Variants in ZNF217 observed in about 807,000 individuals in gnomAD.
ZNF217 encodes the protein zinc finger protein 217.
Under a neutral mutation model 73.3 loss-of-function variants are expected in ZNF217, and 12 were observed. The ratio of observed to expected loss-of-function variants is 0.16; its 90% CI spans 0.10 to 0.27. ZNF217 has a LOEUF of 0.27. Ranked by LOEUF, ZNF217 falls within the 10% of genes least tolerant of loss-of-function variation. The pLI is 1.00. For missense variants in ZNF217, 1,195 were observed against 1,327.8 expected, an observed-to-expected ratio of 0.90 and a Z score of 1.55; for synonymous variants, 588 against 516.4, an observed-to-expected ratio of 1.14 and a Z score of -1.88.
At position 53,577,057 on chromosome 20, in the gene ZNF217, G is replaced by C. The variant is rs763095058; in HGVS notation, c.1707C>G (p.Gly569=). 6.2e-7 allele frequency: 1 copy of C among 1,614,188 alleles called. No individual in the cohort carries two copies. The highest frequency in any genetic ancestry group is 2.2e-5 in the East Asian group (1 of 44,890). Residue 569 remains glycine, a synonymous_variant, in exon 4 of 6, where the codon GGC becomes GGG. Coordinates refer to ENST00000371471, the MANE Select transcript of ZNF217 (RefSeq NM_006526.3). ...RFFDGAKDVT[G]SPPAKQLKEM... ...CCTTAAGCTGCTTTGCAGGTGGACT[G>C]CCTGTAACATCTTTGGCACCATCAA...
chr20:53,587,140 T>C (rs548494788), intron 1 of ZNF217, among the ~76,000 whole-genome samples: 1 of 152,344 alleles, frequency 6.6e-6, no homozygotes, highest in Admixed American at 6.5e-5. Flanking sequence ...GAAACTTCTA[T>C]TGGGATTATT....
chr20:53,582,184 A>G lies in ZNF217; in HGVS notation c.643T>C (p.Tyr215His). 6.2e-7 allele frequency: 1 copy of G among 1,614,120 alleles called. No individual in the cohort carries two copies. The highest frequency in any genetic ancestry group is 8.5e-7 in the Non-Finnish European group (1 of 1,180,040). ...VHAAESISSPYKICMVCGFLF... is the reference protein window; with the variant it reads ...VHAAESISSPHKICMVCGFLF... The stretch of plus-strand genomic sequence containing the variant: ...AAGCCACAAACCATGCAGATTTTGT[A>G]AGGAGAGGAGATGCTCTCGGCCGCG... The change falls in exon 2 of 6, where the codon TAC (tyrosine) becomes CAC (histidine). Residue 215 changes from tyrosine to histidine, a missense_variant. By Grantham distance (83) the Tyr-to-His change is moderately conservative. Coordinates refer to ENST00000371471, the MANE Select transcript of ZNF217 (RefSeq NM_006526.3). This position sits in a 1 kb window ranked among gnomAD's most constrained non-coding sequence, Gnocchi z 4.8.
chr20:53,589,797 A>T (rs148883383), intron 1 of ZNF217, among the ~76,000 whole-genome samples: 1 of 152,206 alleles, frequency 6.6e-6, no homozygotes, highest in African/African-American at 2.4e-5. Flanking sequence ...ATTAAGTGAT[A>T]TTCAATAATC....
At chr20:53,594,647 A>AG (rs1219976374), upstream of ZNF217, among the ~76,000 whole-genome samples, 2 of 151,556 alleles carry the variant, frequency 1.3e-5, no homozygotes, top group Admixed American at 1.3e-4. Context: ...GGCCGGAGGG[A>AG]GGGGGCCGCG....
rs1247948935 is a variant in ZNF217 at position 53,593,804 on chromosome 20, C to A, written c.-391G>T. ...TTTCCTCGCGCGGCGGCGGCCGGGA[C>A]TGAGCTGACACCACTCGGGCCGGCC... On this transcript the variant is annotated 5_prime_UTR_variant, in exon 1 of 6. Coordinates refer to ENST00000371471, the MANE Select transcript of ZNF217 (RefSeq NM_006526.3). 6.9e-6 allele frequency: 1 copy of A among 144,628 alleles called. No individual in the cohort carries two copies. The highest frequency in any genetic ancestry group is 1.5e-5 in the Non-Finnish European group (1 of 66,094). The allele number at this position is 144,628 out of a possible 1,614,324, so 9.0% of individuals were successfully genotyped here.
At chr20:53,595,046 CAAA>C (rs55752265), upstream of ZNF217, among the ~76,000 whole-genome samples, 37 of 105,222 alleles carry the variant, frequency 3.5e-4, no homozygotes, top group Middle Eastern at 0.016. Context: ...AAAAAAGGGA[CAAA>C]AAAAAAAAAA....
intron 2 of ZNF217, among the ~76,000 whole-genome samples, chr20:53,579,106 T>TC (rs1988391348): frequency 6.6e-6 from 1 of 152,154 alleles, no homozygotes; most frequent in South Asian, 2.1e-4. Context: ...TGAAAACCTG[T>TC]CCCCAAATGA....
In ZNF217 at chr20:53,576,201, T is replaced by G; in HGVS notation, c.2563A>C (p.Lys855Gln). ...GGTTTCAATTTTGTCTCGGGTCTTT[T>G]TGTCTTATCCGGTGCAGGGGAAACA... ...TSVSPAPDKTKRPETKLKPLP... is the reference protein window; with the variant it reads ...TSVSPAPDKTQRPETKLKPLP... Residue 855 changes from lysine to glutamine, a missense_variant, in exon 4 of 6, where the codon AAA becomes CAA. Around this residue, in one of 9 missense-constraint regions of ZNF217, gnomAD observed 649 missense variants for 642.8 expected, o/e 1.01. Coordinates refer to ENST00000371471, the MANE Select transcript of ZNF217 (RefSeq NM_006526.3). The G allele has an allele frequency of 2.5e-6, 4 of 1,614,246 alleles. No individual in the cohort carries two copies. The highest frequency in any genetic ancestry group is 2.5e-6 in the Non-Finnish European group (3 of 1,180,040).
Position 53,591,504 on chromosome 20 carries a change from T to C in ZNF217, c.-343+2252A>G, listed in dbSNP as rs529030447. 2.6e-5 allele frequency among the ~76,000 whole-genome samples: 4 copies of C among 152,344 alleles called. No individual in the cohort carries two copies. The South Asian group carries it at 8.3e-4, about 32-fold the overall frequency. ...CTTGGAACTACTGACAACTGTATTTTAAATAACTTACTGCCTCTTGAATTT... is the reference window on the plus strand; with the variant it reads ...CTTGGAACTACTGACAACTGTATTTCAAATAACTTACTGCCTCTTGAATTT... On this transcript the variant is annotated intron_variant, in intron 1 of 5. Transcript: ENST00000371471.
At chr20:53,584,549 C>A (rs1988620399) in intron 1 of ZNF217, among the ~76,000 whole-genome samples, 1 of 152,190 alleles carries the variant, frequency 6.6e-6, no homozygotes, top group Admixed American at 6.5e-5. Flanking sequence ...AATGGAGGAT[C>A]AACACATGGG....
intron 2 of ZNF217, among the ~76,000 whole-genome samples, chr20:53,579,194 AAGG>A (rs2047113874): frequency 6.6e-6 from 1 of 152,186 alleles, no homozygotes; most frequent in Non-Finnish European, 1.5e-5. Context: ...AGTCCACTGG[AAGG>A]AGGACAGAAC....
chr20:53,580,616 G>C (rs1988448351), intron 2 of ZNF217, among the ~76,000 whole-genome samples: 5 of 152,196 alleles, frequency 3.3e-5, no homozygotes, highest in Admixed American at 3.3e-4. Context: ...CATGCCTTCA[G>C]TGATCACCTT....
intron 2 of ZNF217, among the ~76,000 whole-genome samples, chr20:53,580,699 T>G (rs1275759020): frequency 6.6e-6 from 1 of 152,226 alleles, no homozygotes; most frequent in Non-Finnish European, 1.5e-5. Flanking sequence ...ATGTCTTCAG[T>G]GTGCTCACAT....
upstream of ZNF217, among the ~76,000 whole-genome samples, chr20:53,594,244 G>A (rs1036067905): frequency 6.6e-6 from 1 of 151,744 alleles, no homozygotes; most frequent in African/African-American, 2.4e-5. Context: ...GTCCGGCGCT[G>A]GGGGACTGTT....
intron 1 of ZNF217, among the ~76,000 whole-genome samples, chr20:53,585,054 TA>T (rs1399553830): frequency 2.9e-5 from 4 of 138,028 alleles, no homozygotes; most frequent in Non-Finnish European, 4.6e-5. Flanking sequence ...GTTTTTTTTT[TA>T]ATGTCCTTAT....
intron 1 of ZNF217, among the ~76,000 whole-genome samples, chr20:53,587,113 A>G (rs1400293295): frequency 6.6e-6 from 1 of 152,248 alleles, no homozygotes; most frequent in Non-Finnish European, 1.5e-5. Context: ...GCTATTGAGT[A>G]TAGCCATATT....
intron 1 of ZNF217, among the ~76,000 whole-genome samples, chr20:53,587,725 C>G (rs921524544): frequency 6.7e-6 from 1 of 150,030 alleles, no homozygotes; most frequent in Non-Finnish European, 1.5e-5. Context: ...CATTTGTACC[C>G]TGAAAACTAC....
Position 53,569,030 on chromosome 20 carries a change from A to C in ZNF217, c.*258T>G. 5.8e-5 allele frequency: 53 copies of C among 917,322 alleles called. No homozygotes were observed. The highest frequency in any genetic ancestry group is 2.9e-4 in the Middle Eastern group (1 of 3,432). The allele number at this position is 917,322 out of a possible 1,614,324, so 56.8% of individuals were successfully genotyped here. A position where few individuals can be genotyped will look rare whatever the true frequency, so the allele number is the denominator to read the frequency against. ...GAAAAATATTATTCAGGGACAAAAT[A>C]GAGATTTCCAGTCCCCATGTATGTA... is the stretch of plus-strand genomic sequence containing the variant. On this transcript the variant is annotated 3_prime_UTR_variant, in exon 6 of 6. Coordinates refer to ENST00000371471, the MANE Select transcript of ZNF217 (RefSeq NM_006526.3).
chr20:53,585,166 A>G (rs1988651667), intron 1 of ZNF217, among the ~76,000 whole-genome samples: 2 of 151,418 alleles, frequency 1.3e-5, no homozygotes, highest in African/African-American at 4.9e-5. Flanking sequence ...TGTATTTTAG[A>G]AACTTGACTA....
Sources: gnomAD v4.1 joint callset for allele counts (sites outside exome capture counted in the v4.1 genomes callset) on GRCh38, gnomAD v4.1.1 for gene constraint, gnomAD v4.1.1 regional missense constraint, Gnocchi (gnomAD v3.1) non-coding constraint, MANE v1.5 for transcripts, NCBI Gene and HGNC (gene_info 2026-07-23, HGNC 2026-07-21) for gene names.